SHANK2: variants seen among roughly 807,000 people sequenced by gnomAD.
SHANK2 encodes SH3 and multiple ankyrin repeat domains protein 2.
Under a neutral mutation model 133.7 loss-of-function variants are expected in SHANK2, and 43 were observed. That is an observed-to-expected ratio of 0.32 (90% CI 0.25 to 0.41). The LOEUF (loss-of-function observed/expected upper bound fraction) is 0.41, where lower values mean the gene tolerates loss of function less well. Ranked by LOEUF, SHANK2 falls within the 10% of genes least tolerant of loss-of-function variation. SHANK2 has a pLI of 1.00. For synonymous variants in SHANK2, 1,017 were observed against 952.8 expected (o/e 1.07, Z -1.24); for missense variants, 1,994 against 2,235.8 (o/e 0.89, Z 2.18).
In SHANK2 at chr11:70,485,904, C is replaced by T; in HGVS notation, c.4389G>A (p.Lys1463=). ...GACAGTTTGAAAGACTGGCTGGCTT[C>T]TTGCTGTCTGCAGAGTTGGTTGGTT... ...SSQPTNSADS[K]KPASLSNCLP... is the part of the protein sequence containing the mutation. Residue 1463 remains lysine (K), a synonymous_variant, in exon 25 of 26, where the codon AAG becomes AAA. Coordinates refer to ENST00000601538, the MANE Select transcript of SHANK2 (RefSeq NM_012309.5). This position sits in a 1 kb window ranked among gnomAD's most constrained non-coding sequence, Gnocchi z 5.8. 6.2e-7 allele frequency: 1 copy of T among 1,614,122 alleles called. No homozygotes were observed. The highest frequency in any genetic ancestry group is 8.5e-7 in the Non-Finnish European group (1 of 1,180,026).
At chr11:70,810,502 G>A (rs1555052970) in intron 12 of SHANK2, among the ~76,000 whole-genome samples, 2 of 152,234 alleles carry the variant, frequency 1.3e-5, no homozygotes, top group Non-Finnish European at 2.9e-5. Context: ...GCACCCCAGG[G>A]TCAGAATCCC....
chr11:70,895,124 C>A (rs886735703), intron 11 of SHANK2, among the ~76,000 whole-genome samples: 2 of 152,346 alleles, frequency 1.3e-5, no homozygotes, highest in South Asian at 2.1e-4. Context: ...CAGTGTCAGG[C>A]GCAGCCTTTG....
intron 8 of SHANK2, among the ~76,000 whole-genome samples, chr11:71,087,920 C>A (rs917267194): frequency 0.95 from 144,141 of 152,220 alleles, 68,296 homozygotes; most frequent in Non-Finnish European, 0.96. Flanking sequence ...TGAGCCACCG[C>A]ACCTGGCTGC....
chr11:70,826,842 C>G (rs1948648736), intron 11 of SHANK2: 1 of 233,522 alleles, frequency 4.3e-6, no homozygotes, highest in South Asian at 6.1e-5. Flanking sequence ...GGAGGGTTAA[C>G]GCGGATCAGG....
chr11:70,853,480 T>C (rs1277623696), intron 11 of SHANK2, among the ~76,000 whole-genome samples: 1 of 152,190 alleles, frequency 6.6e-6, no homozygotes, highest in Non-Finnish European at 1.5e-5. Context: ...GGTGCAGCCT[T>C]AAGCGTCTTT....
chr11:71,060,742 G>A (rs1446712413), intron 9 of SHANK2, among the ~76,000 whole-genome samples: 3 of 152,224 alleles, frequency 2.0e-5, no homozygotes, highest in African/African-American at 7.2e-5. Context: ...TGGAGGCTGA[G>A]CTGAGAAAAA....
At chr11:70,546,107 T>A (rs1243401458) in intron 17 of SHANK2, among the ~76,000 whole-genome samples, 101 of 54,614 alleles carry the variant, frequency 1.8e-3, no homozygotes, top group African/African-American at 4.3e-3. Context: ...ATTTTTTTTT[T>A]TTTTTTTTTT....
At chr11:70,661,762 C>T (rs1944543612) in intron 15 of SHANK2, 84 bp from the exon 16 acceptor site, 3 of 1,614,102 alleles carry the variant, frequency 1.9e-6, no homozygotes, top group African/African-American at 1.3e-5. Context: ...GGACGTTCAT[C>T]ATCATAGCCA....
intron 17 of SHANK2, among the ~76,000 whole-genome samples, chr11:70,549,258 C>T (rs1176830267): frequency 3.9e-5 from 6 of 152,158 alleles, no homozygotes; most frequent in Admixed American, 2.0e-4. Flanking sequence ...ACCTGTGCAG[C>T]GGAACAAAGG....
At chr11:70,501,403 C>T (rs1425794741) in intron 20 of SHANK2, among the ~76,000 whole-genome samples, 1 of 152,254 alleles carries the variant, frequency 6.6e-6, no homozygotes, top group Non-Finnish European at 1.5e-5. Flanking sequence ...CTCTCAACCC[C>T]CCAGGCCAGC....
chr11:70,774,842 A>G (rs1947328215), intron 14 of SHANK2, among the ~76,000 whole-genome samples: 1 of 152,200 alleles, frequency 6.6e-6, no homozygotes, highest in African/African-American at 2.4e-5. Flanking sequence ...TATAAAACTA[A>G]ACAGGCGAGG....
At chr11:70,588,081 T>C (rs2136254639) in intron 17 of SHANK2, among the ~76,000 whole-genome samples, 1 of 152,334 alleles carries the variant, frequency 6.6e-6, no homozygotes, top group Non-Finnish European at 1.5e-5. Flanking sequence ...AGAAATTAAC[T>C]GATAAATGTT....
chr11:70,520,937 C>A (rs530553259), intron 17 of SHANK2, among the ~76,000 whole-genome samples: 6 of 152,308 alleles, frequency 3.9e-5, no homozygotes, highest in African/African-American at 1.4e-4. Context: ...CTTTCCGGTT[C>A]TACAGGATGC....
At chr11:70,829,471 C>T (rs530701829) in intron 11 of SHANK2, among the ~76,000 whole-genome samples, 15 of 152,178 alleles carry the variant, frequency 9.9e-5, no homozygotes, top group Admixed American at 6.5e-4. Context: ...ACCAGGAATA[C>T]GGCTGGCTTC....
At chr11:70,602,124 T>G (rs2060505980) in intron 17 of SHANK2, among the ~76,000 whole-genome samples, 1 of 152,188 alleles carries the variant, frequency 6.6e-6, no homozygotes, top group Admixed American at 6.5e-5. Flanking sequence ...TCCCCCTTGC[T>G]TGCTTTCGCT....
chr11:70,941,707 T>C (rs953213320), intron 10 of SHANK2, among the ~76,000 whole-genome samples: 17 of 152,114 alleles, frequency 1.1e-4, no homozygotes, highest in Non-Finnish European at 1.5e-5. Context: ...TCAGCCCCCA[T>C]GAGAAATGGA....
At chr11:71,239,096 A>T (rs1403061548) in intron 1 of SHANK2, among the ~76,000 whole-genome samples, 1 of 152,242 alleles carries the variant, frequency 6.6e-6, no homozygotes, top group African/African-American at 2.4e-5. Context: ...TCAACAGATG[A>T]CCGGGAGGGG....
intron 15 of SHANK2, among the ~76,000 whole-genome samples, chr11:70,694,804 T>C (rs1945357029): frequency 6.6e-6 from 1 of 152,126 alleles, no homozygotes; most frequent in Admixed American, 6.5e-5. Context: ...CAAGCTCCCA[T>C]GCTGCCTGCC....
intron 17 of SHANK2, among the ~76,000 whole-genome samples, chr11:70,579,531 T>A (rs2136217109): frequency 6.6e-6 from 1 of 152,104 alleles, no homozygotes; most frequent in African/African-American, 2.4e-5. Flanking sequence ...CCAGGTGGCA[T>A]CTCCCAGGCC....
Sources: gnomAD v4.1 joint callset for allele counts (sites outside exome capture counted in the v4.1 genomes callset) on GRCh38, gnomAD v4.1.1 for gene constraint, Gnocchi (gnomAD v3.1) non-coding constraint, MANE v1.5 for transcripts, NCBI Gene and HGNC (gene_info 2026-07-23, HGNC 2026-07-21) for gene names.